The following FOXP2 variants were observed in gnomAD, a reference collection of about 807,000 sequenced individuals.
The protein encoded by FOXP2 is forkhead box P2.
A neutral mutation model predicts 115.8 loss-of-function variants in FOXP2; 12 were observed. The observed-to-expected ratio is 0.10, with a 90% confidence interval of 0.07 to 0.17. The LOEUF (loss-of-function observed/expected upper bound fraction) is 0.17, where lower values mean the gene tolerates loss of function less well. FOXP2 is among the 10% of genes least tolerant of loss of function. FOXP2 has a pLI of 1.00. For synonymous variants in FOXP2, 328 were observed against 297.7 expected (o/e 1.10, Z -1.05); for missense variants, 629 against 843.5 (o/e 0.75, Z 3.15).
intron 3 of FOXP2, among the ~76,000 whole-genome samples, chr7:114,615,348 C>T (rs1803878710): frequency 6.6e-6 from 1 of 152,106 alleles, no homozygotes. Flanking sequence ...ACTATTACTG[C>T]CCTCTTCCTC....
intron 3 of FOXP2, among the ~76,000 whole-genome samples, chr7:114,617,201 C>G (rs1207240501): frequency 2.0e-5 from 3 of 152,204 alleles, no homozygotes; most frequent in Admixed American, 6.5e-5. Flanking sequence ...TGCTGAGAAC[C>G]AATCCACTTC....
At chr7:114,488,278 G>A (rs573685264) in intron 2 of FOXP2, among the ~76,000 whole-genome samples, 9 of 152,038 alleles carry the variant, frequency 5.9e-5, no homozygotes, top group South Asian at 2.1e-4. Flanking sequence ...ACCTCCCACC[G>A]GGTTTCTCCC....
chr7:114,536,030 T>C (rs1255763597), intron 3 of FOXP2, among the ~76,000 whole-genome samples: 2 of 151,592 alleles, frequency 1.3e-5, no homozygotes, highest in South Asian at 2.1e-4. Context: ...CATGGAGTTA[T>C]CTGATTGCAT....
chr7:114,132,730 G>A (rs1400746862), intron 1 of FOXP2, among the ~76,000 whole-genome samples: 1 of 151,994 alleles, frequency 6.6e-6, no homozygotes, highest in Non-Finnish European at 1.5e-5. Context: ...TAAGGCAGAA[G>A]GAATGGCAAG....
At chr7:114,577,378 A>G (rs1801628524) in intron 3 of FOXP2, among the ~76,000 whole-genome samples, 1 of 151,948 alleles carries the variant, frequency 6.6e-6, no homozygotes, top group South Asian at 2.1e-4. Context: ...GTTATGCTAT[A>G]ATAACTTTAT....
chr7:114,319,932 C>T (rs2129181303), intron 2 of FOXP2, among the ~76,000 whole-genome samples: 1 of 152,240 alleles, frequency 6.6e-6, no homozygotes, highest in East Asian at 1.9e-4. Flanking sequence ...ATTGCAGAGT[C>T]TAAAAGTGAA....
intron 2 of FOXP2, among the ~76,000 whole-genome samples, chr7:114,485,975 G>C (rs1447665929): frequency 3.3e-5 from 5 of 152,092 alleles, no homozygotes; most frequent in Non-Finnish European, 7.4e-5. Context: ...TTGCAAAATG[G>C]AGTCAATACT....
intron 2 of FOXP2, among the ~76,000 whole-genome samples, chr7:114,455,611 C>A (rs567077424): frequency 6.6e-6 from 1 of 152,180 alleles, no homozygotes; most frequent in African/African-American, 2.4e-5. Flanking sequence ...CTACAACTTG[C>A]TATAGAAGTA....
At chr7:114,397,076 C>T (rs1421183508) in intron 2 of FOXP2, among the ~76,000 whole-genome samples, 1 of 151,888 alleles carries the variant, frequency 6.6e-6, no homozygotes, top group African/African-American at 2.4e-5. Flanking sequence ...TCTTATAGTT[C>T]TTCCATATAT....
In FOXP2 at chr7:114,690,621, C is replaced by A. The variant is rs1342419140; in HGVS notation, c.*695C>A. ...TTAAGATGTAAAGTGCAATCCTAAG[C>A]TAACATTATCTGTGCAAGCACCATA... On this transcript the variant is annotated 3_prime_UTR_variant, in exon 17 of 17. Transcript: ENST00000350908. 2 of 454,004 alleles carry A rather than the reference C, an allele frequency of 4.4e-6. No homozygotes were observed. The highest frequency in any genetic ancestry group is 4.7e-5 in the Admixed American group (2 of 42,538). The allele number at this position is 454,004 out of a possible 1,614,324, so 28.1% of individuals were successfully genotyped here.
chr7:114,427,724 A>G (rs998748230), intron 2 of FOXP2, among the ~76,000 whole-genome samples: 6 of 151,520 alleles, frequency 4.0e-5, no homozygotes, highest in African/African-American at 1.5e-4. Flanking sequence ...TCAAAAGTTA[A>G]AGCAAATGCC....
At chr7:114,547,092 A>G (rs934228812) in intron 3 of FOXP2, among the ~76,000 whole-genome samples, 1 of 152,214 alleles carries the variant, frequency 6.6e-6, no homozygotes, top group South Asian at 2.1e-4. Flanking sequence ...GACATGATTC[A>G]GGTCACATTA....
intron 1 of FOXP2, among the ~76,000 whole-genome samples, chr7:114,132,709 G>A (rs1002016891): frequency 6.6e-6 from 1 of 151,888 alleles, no homozygotes; most frequent in African/African-American, 2.4e-5. Flanking sequence ...GTGAAGGAAA[G>A]GAAAGTAAGC....
intron 1 of FOXP2, among the ~76,000 whole-genome samples, chr7:114,145,431 T>TTTTTCTTTTCTTTTTCTTTTCTTTTC (rs1554421628): frequency 2.0e-5 from 2 of 100,494 alleles, no homozygotes; most frequent in African/African-American, 3.6e-5. Flanking sequence ...GCTTTGCCAT[T>TTTTTCTTTTCTTTTTCTTTTCTTTTC]TTTTCTTTTC....
intron 1 of FOXP2, among the ~76,000 whole-genome samples, chr7:114,177,580 G>A (rs2129154393): frequency 6.6e-6 from 1 of 151,922 alleles, no homozygotes; most frequent in Non-Finnish European, 1.5e-5. Flanking sequence ...ATTTATATAT[G>A]GTTTTGTGCA....
At chr7:114,405,665 G>A (rs958591804) in intron 2 of FOXP2, among the ~76,000 whole-genome samples, 20 of 151,792 alleles carry the variant, frequency 1.3e-4, no homozygotes, top group African/African-American at 4.8e-4. Context: ...TGTTTAAAGG[G>A]TAAATGAAAA....
At chr7:114,559,290 C>T (rs911065652) in intron 3 of FOXP2, among the ~76,000 whole-genome samples, 2 of 152,100 alleles carry the variant, frequency 1.3e-5, no homozygotes, top group Non-Finnish European at 2.9e-5. Flanking sequence ...TATATGTACA[C>T]AGTGAACAGG....
chr7:114,487,219 T>A (rs936252439), intron 2 of FOXP2, among the ~76,000 whole-genome samples: 5 of 152,120 alleles, frequency 3.3e-5, no homozygotes, highest in African/African-American at 1.2e-4. Flanking sequence ...CCCAACAGGA[T>A]CAACACAATG....
At chr7:114,195,804 A>G (rs1406655547) in intron 1 of FOXP2, among the ~76,000 whole-genome samples, 3 of 152,070 alleles carry the variant, frequency 2.0e-5, no homozygotes, top group Non-Finnish European at 4.4e-5. Context: ...CATATCAAAT[A>G]TATTCAAAAT....
Sources: allele counts gnomAD v4.1 joint callset (sites outside exome capture counted in the v4.1 genomes callset), GRCh38; gene constraint gnomAD v4.1.1; transcripts MANE v1.5; gene names NCBI Gene and HGNC (gene_info 2026-07-23, HGNC 2026-07-21).